The following PID1 variants were observed in gnomAD, a reference collection of about 807,000 sequenced individuals.
PID1 encodes the protein PTB-containing, cubilin and LRP1-interacting protein.
In PID1, 10 loss-of-function variants were observed where a neutral mutation model predicts 19.1. That is an observed-to-expected ratio of 0.52 (90% CI 0.32 to 0.89). PID1 has a LOEUF of 0.89. PID1 is among the 40% of genes least tolerant of loss of function. The pLI is 0.03. For synonymous variants in PID1, 130 were observed against 116.0 expected (o/e 1.12, Z -0.78); for missense variants, 248 against 285.3 (o/e 0.87, Z 0.94).
intron 2 of PID1, among the ~76,000 whole-genome samples, chr2:229,027,294 A>C (rs1270509882): frequency 1.3e-5 from 2 of 152,250 alleles, no homozygotes; most frequent in African/African-American, 4.8e-5. Flanking sequence ...AGTGTGATAC[A>C]TTCCAGAAGT....
intron 1 of PID1, among the ~76,000 whole-genome samples, chr2:229,203,228 C>A (rs1466331535): frequency 2.0e-5 from 3 of 151,956 alleles, no homozygotes; most frequent in Non-Finnish European, 2.9e-5. Context: ...GGTAGGGCTA[C>A]AAAGTAATAG....
intron 1 of PID1, among the ~76,000 whole-genome samples, chr2:229,188,611 T>C (rs1574706120): frequency 3.3e-5 from 5 of 151,648 alleles, no homozygotes; most frequent in Admixed American, 3.3e-4. Flanking sequence ...TGGTGGCGGG[T>C]GCCTGTAATC....
At chr2:229,213,010 G>A (rs1163575852) in intron 1 of PID1, among the ~76,000 whole-genome samples, 5 of 152,002 alleles carry the variant, frequency 3.3e-5, no homozygotes, top group Admixed American at 2.6e-4. Context: ...TAGAGGAAGG[G>A]GTTAAAAAAT....
chr2:229,158,810 T>C (rs1186184193), intron 1 of PID1, among the ~76,000 whole-genome samples: 3 of 152,078 alleles, frequency 2.0e-5, no homozygotes, highest in Admixed American at 6.6e-5. Context: ...TTATGTTACA[T>C]GAAATAAGCC....
intron 2 of PID1, among the ~76,000 whole-genome samples, chr2:229,096,276 AC>A (rs1694969250): frequency 6.6e-6 from 1 of 152,184 alleles, no homozygotes; most frequent in Admixed American, 6.6e-5. Flanking sequence ...TCACAATGCT[AC>A]CATTTGCTAA....
chr2:229,082,431 C>T (rs1694686204), intron 2 of PID1, among the ~76,000 whole-genome samples: 1 of 152,186 alleles, frequency 6.6e-6, no homozygotes, highest in African/African-American at 2.4e-5. Context: ...AAGAGAGTTG[C>T]CAGTGTCATT....
chr2:229,037,650 T>C (rs1347851533), intron 2 of PID1, among the ~76,000 whole-genome samples: 4 of 152,194 alleles, frequency 2.6e-5, no homozygotes, highest in African/African-American at 9.7e-5. Context: ...CGAGACCACA[T>C]TGAAATACAC....
At chr2:229,081,110 T>C (rs1246235971) in intron 2 of PID1, among the ~76,000 whole-genome samples, 1 of 152,210 alleles carries the variant, frequency 6.6e-6, no homozygotes, top group African/African-American at 2.4e-5. Context: ...ATGTTACACA[T>C]ATTCCCATTG....
In PID1 at chr2:229,169,090, T is replaced by C. The variant is rs1451071715; in HGVS notation, c.31-13126A>G. On this transcript the variant is annotated intron_variant, in intron 1 of 2. Coordinates refer to ENST00000392055, the MANE Select transcript of PID1 (RefSeq NM_001100818.2). ...TGACTGCAATTGCTTGATACTAGCCTGTGAGTTAGTATAAACTCTCCTTGG... is the reference window on the plus strand; with the variant it reads ...TGACTGCAATTGCTTGATACTAGCCCGTGAGTTAGTATAAACTCTCCTTGG... 3.9e-5 allele frequency among the ~76,000 whole-genome samples: 6 copies of C among 152,330 alleles called. No individual in the cohort carries two copies. In the East Asian group the frequency reaches 1.2e-3, roughly 29 times the overall value.
intron 2 of PID1, among the ~76,000 whole-genome samples, chr2:229,090,499 C>T (rs531576022): frequency 6.6e-6 from 1 of 152,238 alleles, no homozygotes; most frequent in African/African-American, 2.4e-5. Flanking sequence ...CTGCAGTGTC[C>T]AGTGTTGTGG....
intron 2 of PID1, among the ~76,000 whole-genome samples, chr2:229,097,460 A>G (rs923743740): frequency 8.5e-5 from 13 of 152,260 alleles, no homozygotes; most frequent in Admixed American, 2.0e-4. Context: ...TATTCCTTTG[A>G]TTAGATGTTG....
intron 2 of PID1, among the ~76,000 whole-genome samples, chr2:229,086,844 A>G (rs1694776892): frequency 6.6e-6 from 1 of 152,082 alleles, no homozygotes; most frequent in Admixed American, 6.6e-5. Context: ...TCATATTTGC[A>G]GAGCATCCGC....
chr2:229,262,748 G>C, intron 1 of PID1: 1 of 1,551,628 alleles, frequency 6.4e-7, no homozygotes, highest in Non-Finnish European at 8.7e-7. Context: ...AAAAGCTCTG[G>C]AGAAGAACAT....
chr2:229,041,163 C>T (rs1693763185), intron 2 of PID1, among the ~76,000 whole-genome samples: 1 of 152,158 alleles, frequency 6.6e-6, no homozygotes, highest in African/African-American at 2.4e-5. Flanking sequence ...AAATATCATT[C>T]TCCACTAAAA....
chr2:229,104,562 G>C (rs1695137667), intron 2 of PID1, among the ~76,000 whole-genome samples: 1 of 152,022 alleles, frequency 6.6e-6, no homozygotes, highest in African/African-American at 2.4e-5. Context: ...CTCTTCTGTT[G>C]CCTTAACCCA....
At chr2:229,054,557 AG>A (rs1253642887) in intron 2 of PID1, among the ~76,000 whole-genome samples, 1 of 152,102 alleles carries the variant, frequency 6.6e-6, no homozygotes, top group Non-Finnish European at 1.5e-5. Flanking sequence ...AGCCAGTCAC[AG>A]GGAAAAATGT....
chr2:229,156,007 G>C, intron 1 of PID1, 43 bp from the exon 2 acceptor site: 1 of 1,587,206 alleles, frequency 6.3e-7, no homozygotes. Context: ...TAATCACTTG[G>C]ACTTTTATGT....
intron 2 of PID1, among the ~76,000 whole-genome samples, chr2:229,048,918 T>G (rs1372796743): frequency 6.6e-6 from 1 of 152,142 alleles, no homozygotes; most frequent in Non-Finnish European, 1.5e-5. Context: ...CCTGAGAAAT[T>G]AAATGCAAAC....
At chr2:229,099,148 C>T (rs1384383410) in intron 2 of PID1, among the ~76,000 whole-genome samples, 4 of 152,092 alleles carry the variant, frequency 2.6e-5, no homozygotes, top group African/African-American at 9.7e-5. Context: ...CCAACATGCC[C>T]CTGAACCCCA....
Sources: gnomAD v4.1 joint callset for allele counts (sites outside exome capture counted in the v4.1 genomes callset) on GRCh38, gnomAD v4.1.1 for gene constraint, MANE v1.5 for transcripts, NCBI Gene and HGNC (gene_info 2026-07-23, HGNC 2026-07-21) for gene names.